CCDC181: variants seen among roughly 807,000 people sequenced by gnomAD.
CCDC181 encodes coiled-coil domain-containing protein 181.
In CCDC181, 35 loss-of-function variants were observed where a neutral mutation model predicts 58.7. That is an observed-to-expected ratio of 0.60 (90% confidence interval 0.46 to 0.79). The LOEUF is 0.79. CCDC181 is among the 30% of genes least tolerant of loss of function. The pLI, the probability that CCDC181 is intolerant of heterozygous loss-of-function variation, is 0.00. For missense variants in CCDC181, 517 were observed against 583.9 expected (o/e 0.89, Z 1.18); for synonymous variants, 183 against 197.5 (o/e 0.93, Z 0.62).
At chr1:169,436,731 G>A (rs1657064399) in intron 2 of CCDC181, among the ~76,000 whole-genome samples, 1 of 152,134 alleles carries the variant, frequency 6.6e-6, no homozygotes, top group African/African-American at 2.4e-5. Context: ...TACCTCTTTA[G>A]TAAGGCAGAG....
chr1:169,450,833 C>T (rs759100406), intron 2 of CCDC181, among the ~76,000 whole-genome samples: 3 of 152,164 alleles, frequency 2.0e-5, no homozygotes, highest in Non-Finnish European at 2.9e-5. Flanking sequence ...TACAACCATT[C>T]TAGTGAATGT....
chr1:169,419,986 T>C (rs376104898), intron 3 of CCDC181, among the ~76,000 whole-genome samples: 43 of 152,308 alleles, frequency 2.8e-4, no homozygotes, highest in African/African-American at 9.9e-4. Context: ...CCAAGTTAGT[T>C]ATAGGATACA....
At chr1:169,454,616 A>T (rs1008871070) in intron 2 of CCDC181, 1 of 152,056 alleles carries the variant, frequency 6.6e-6, no homozygotes, top group Non-Finnish European at 1.5e-5. Context: ...TAGAAATACT[A>T]ATCAAAATTC....
At chr1:169,458,113 T>C (rs1030203458) in intron 2 of CCDC181, among the ~76,000 whole-genome samples, 55 of 151,944 alleles carry the variant, frequency 3.6e-4, no homozygotes, top group African/African-American at 1.3e-3. Context: ...GTCACAAGTG[T>C]CTAGTGGCTA....
intron 3 of CCDC181, among the ~76,000 whole-genome samples, chr1:169,419,634 G>A (rs1197646189): frequency 2.0e-5 from 3 of 152,084 alleles, no homozygotes; most frequent in African/African-American, 4.8e-5. Flanking sequence ...CCCTAAAGTA[G>A]CCTGTATTAT....
At chr1:169,418,568 T>C (rs974027889) in intron 4 of CCDC181, among the ~76,000 whole-genome samples, 1 of 151,900 alleles carries the variant, frequency 6.6e-6, no homozygotes, top group Non-Finnish European at 1.5e-5. Flanking sequence ...AGAATATGAA[T>C]GATTTTTAAA....
intron 4 of CCDC181, among the ~76,000 whole-genome samples, chr1:169,416,031 G>A (rs1656198061): frequency 6.6e-6 from 1 of 152,146 alleles, no homozygotes; most frequent in Non-Finnish European, 1.5e-5. Context: ...CCCCTCCCAC[G>A]AGGAGTTTTC....
intron 2 of CCDC181, among the ~76,000 whole-genome samples, chr1:169,445,226 G>A (rs545917500): frequency 6.6e-6 from 1 of 152,176 alleles, no homozygotes; most frequent in Non-Finnish European, 1.5e-5. Flanking sequence ...ATCTTAGGGG[G>A]GACAAAATGC....
upstream of CCDC181, among the ~76,000 whole-genome samples, chr1:169,428,498 T>C (rs1489524595): frequency 6.6e-6 from 1 of 152,198 alleles, no homozygotes; most frequent in Non-Finnish European, 1.5e-5. Context: ...TAATGGGTGA[T>C]AGCAGCTTTT....
At chr1:169,401,547 G>A (rs1655348815) in intron 4 of CCDC181, among the ~76,000 whole-genome samples, 1 of 152,342 alleles carries the variant, frequency 6.6e-6, no homozygotes, top group African/African-American at 2.4e-5. Context: ...AGGGTCTGGA[G>A]TGGACCTCCA....
At chr1:169,449,202 A>G (rs1482483488) in intron 2 of CCDC181, among the ~76,000 whole-genome samples, 11 of 152,076 alleles carry the variant, frequency 7.2e-5, no homozygotes, top group African/African-American at 2.7e-4. Context: ...GTCTTTTAGC[A>G]TATCTTGTAA....
rs1016159494 is a variant in CCDC181, at chr1:169,440,537, T to C, written c.-23-15587A>G. ...TGCAAAAAGGATAAGGCATTGTACATAGAGATGATAGCATTTGCCAAGACA... is the reference window on the plus strand; with the variant it reads ...TGCAAAAAGGATAAGGCATTGTACACAGAGATGATAGCATTTGCCAAGACA... On this transcript the variant is annotated intron_variant, in intron 2 of 6. Coordinates refer to the CCDC181 transcript ENST00000545005. Among the ~76,000 whole-genome samples the C allele has an allele frequency of 3.9e-5, 6 of 152,280 alleles. No homozygotes were observed. In the East Asian group the frequency reaches 1.2e-3, roughly 29 times the overall value.
At chr1:169,446,971 T>G (rs983357772) in intron 2 of CCDC181, among the ~76,000 whole-genome samples, 3 of 151,778 alleles carry the variant, frequency 2.0e-5, no homozygotes, top group African/African-American at 7.3e-5. Context: ...CTTGAGACTT[T>G]GACACATGTT....
At chr1:169,438,823 T>G (rs1478334913) in intron 2 of CCDC181, among the ~76,000 whole-genome samples, 2 of 152,208 alleles carry the variant, frequency 1.3e-5, no homozygotes, top group Non-Finnish European at 2.9e-5. Flanking sequence ...TTAAGTCTGC[T>G]GGACTTCCAT....
chr1:169,417,022 G>A (rs1571486342), intron 4 of CCDC181, among the ~76,000 whole-genome samples: 3 of 152,144 alleles, frequency 2.0e-5, no homozygotes, highest in Middle Eastern at 3.4e-3. Context: ...TAATACACAC[G>A]CTATATAAAT....
intron 4 of CCDC181, among the ~76,000 whole-genome samples, chr1:169,409,621 T>C (rs1010765146): frequency 1.3e-5 from 2 of 151,224 alleles, no homozygotes; most frequent in African/African-American, 2.4e-5. Flanking sequence ...AAGAAAAAAA[T>C]GTTAAGGGCA....
intron 2 of CCDC181, 150 bp from the exon 3 acceptor site, chr1:169,422,463 C>A: frequency 1.8e-6 from 1 of 548,372 alleles, no homozygotes; most frequent in Non-Finnish European, 3.1e-6. Context: ...CATTCTAATT[C>A]ATACTTATGA....
At position 169,421,530 on chromosome 1, in the gene CCDC181, A is replaced by G. The variant is rs1407398337; in HGVS notation, c.901T>C (p.Cys301Arg). 1 of 1,613,974 alleles carries G rather than the reference A, an allele frequency of 6.2e-7. No homozygotes were observed. Among genetic ancestry groups the G allele is most frequent in the Non-Finnish European group, 8.5e-7 (1 of 1,180,016 alleles). The change falls in exon 3 of 6, where the codon TGT becomes CGT. Residue 301 changes from cysteine to arginine, a missense_variant. Transcript: ENST00000367806. ...TCTGAGTTGACAGCAGAGCTTGGAC[A>G]AGTCTTGCGGTTGAGTGGTGGCTGA... ...IAQPPLNRKT[C>R]PSSAVNSDRS...
At chr1:169,455,958 A>G (rs1657666798) in intron 2 of CCDC181, among the ~76,000 whole-genome samples, 1 of 152,202 alleles carries the variant, frequency 6.6e-6, no homozygotes, top group Admixed American at 6.5e-5. Context: ...TACAGGAACC[A>G]TAAGACTTGG....
Sources: allele counts gnomAD v4.1 joint callset (sites outside exome capture counted in the v4.1 genomes callset), GRCh38; gene constraint gnomAD v4.1.1; transcripts MANE v1.5; gene names NCBI Gene and HGNC (gene_info 2026-07-23, HGNC 2026-07-21).